The following FOXP1 variants were observed in gnomAD, a reference collection of about 807,000 sequenced individuals.
FOXP1 encodes the protein forkhead box P1.
FOXP1 carries 15 observed loss-of-function variants against 98.2 expected under a neutral mutation model. That is an observed-to-expected ratio of 0.15 (90% confidence interval 0.10 to 0.24). FOXP1 has a LOEUF of 0.24. Ranked by LOEUF, FOXP1 falls within the 10% of genes least tolerant of loss-of-function variation. The probability of loss-of-function intolerance (pLI) is 1.00; values close to 1 mark genes in which losing one functional copy is unlikely to be tolerated. For synonymous variants in FOXP1, 371 were observed against 314.5 expected (o/e 1.18, Z -1.90); for missense variants, 633 against 848.5 (o/e 0.75, Z 3.15).
intron 2 of FOXP1, among the ~76,000 whole-genome samples, chr3:71,561,079 CAG>C (rs2046495663): frequency 6.6e-6 from 1 of 152,084 alleles, no homozygotes; most frequent in Non-Finnish European, 1.5e-5. Context: ...TCTTCTGAGA[CAG>C]AGTGTCACTC....
intron 5 of FOXP1, among the ~76,000 whole-genome samples, chr3:71,261,504 C>T (rs1394973337): frequency 6.6e-6 from 1 of 151,928 alleles, no homozygotes; most frequent in African/African-American, 2.4e-5. Context: ...TAGAAATCTA[C>T]ATTTGCTAAG....
intron 3 of FOXP1, among the ~76,000 whole-genome samples, chr3:71,414,220 T>C (rs1027671771): frequency 6.6e-6 from 1 of 152,212 alleles, no homozygotes; most frequent in East Asian, 1.9e-4. Flanking sequence ...CTGCGGAACG[T>C]GATGGGGATT....
chr3:71,425,626 G>A lies in FOXP1; in HGVS notation c.-167-66382C>T, dbSNP rs75843678. On this transcript the variant is annotated intron_variant, in intron 3 of 20. Transcript: ENST00000649528. ...GTATCTGCTGAATGAAAAAAACAAG[G>A]AGAAGCTTTGAACTCATGCCCTTAC... Among the ~76,000 whole-genome samples the A allele has an allele frequency of 2.8e-3, 423 of 152,080 alleles. 2 individuals carry two copies. Among genetic ancestry groups the A allele is most frequent in the African/African-American group, 9.8e-3 (408 of 41,476 alleles).
chr3:71,002,469 A>G (rs1178287028), intron 12 of FOXP1, among the ~76,000 whole-genome samples: 3 of 152,234 alleles, frequency 2.0e-5, no homozygotes, highest in Non-Finnish European at 4.4e-5. Flanking sequence ...AACAAACAAT[A>G]GAAGACCACA....
intron 7 of FOXP1, among the ~76,000 whole-genome samples, chr3:71,064,344 G>GA (rs1414952411): frequency 6.6e-6 from 1 of 152,160 alleles, no homozygotes. Context: ...CACACGCTCT[G>GA]AAAGTGACAG....
At chr3:71,513,387 T>C (rs1376367410) in intron 2 of FOXP1, among the ~76,000 whole-genome samples, 1 of 152,080 alleles carries the variant, frequency 6.6e-6, no homozygotes, top group Non-Finnish European at 1.5e-5. Context: ...CATTAGGAAA[T>C]CCCATAGAGT....
chr3:71,530,315 T>G (rs2043734883), intron 2 of FOXP1, among the ~76,000 whole-genome samples: 1 of 152,132 alleles, frequency 6.6e-6, no homozygotes, highest in Non-Finnish European at 1.5e-5. Context: ...CTCAGCCCTC[T>G]TTTGCTCTCA....
In FOXP1 at chr3:71,443,140, C is replaced by T. The variant is rs548440674; in HGVS notation, c.-168+50286G>A. Among the ~76,000 whole-genome samples the T allele has an allele frequency of 1.3e-3, 196 of 152,280 alleles. 1 individual carries two copies. Among genetic ancestry groups the T allele is most frequent in the African/African-American group, 4.6e-3 (190 of 41,562 alleles). ...AACTCCTGACCTCAGGTGATCCACC[C>T]GCCTCGGCCTCCCAAAGTGCTGGAA... On this transcript the variant is annotated intron_variant, in intron 3 of 20. Coordinates refer to ENST00000649528, the MANE Select transcript of FOXP1 (RefSeq NM_001349338.3).
intron 5 of FOXP1, among the ~76,000 whole-genome samples, chr3:71,290,670 T>TA (rs1339819303): frequency 2.0e-5 from 3 of 152,188 alleles, no homozygotes; most frequent in Non-Finnish European, 4.4e-5. Context: ...CTGGCCCTGT[T>TA]ACACTGTTAT....
Position 71,424,902 on chromosome 3 carries a change from G to GT in FOXP1, c.-167-65659dup, listed in dbSNP as rs143217768. Among the ~76,000 whole-genome samples the GT allele has an allele frequency of 9.2e-3, 1,401 of 152,310 alleles. 29 individuals carry two copies. The highest frequency in any genetic ancestry group is 0.033 in the African/African-American group (1,353 of 41,562). On this transcript the variant is annotated intron_variant, in intron 3 of 20. Transcript: ENST00000649528. ...GGTGGGAGGAAGTCACAAGCCAACTGTAAGAGGTAAGGAGTGATCAAGAAC... is the reference window on the plus strand; with the variant it reads ...GGTGGGAGGAAGTCACAAGCCAACTGTTAAGAGGTAAGGAGTGATCAAGAAC...
intron 3 of FOXP1, among the ~76,000 whole-genome samples, chr3:71,363,566 G>T (rs1221207946): frequency 6.6e-6 from 1 of 152,140 alleles, no homozygotes; most frequent in African/African-American, 2.4e-5. Flanking sequence ...AAACCAGCAC[G>T]ACTGTCTTTA....
intron 3 of FOXP1, among the ~76,000 whole-genome samples, chr3:71,481,015 T>C (rs1478589560): frequency 1.3e-5 from 2 of 152,182 alleles, no homozygotes; most frequent in Non-Finnish European, 2.9e-5. Context: ...AGAATGTCTG[T>C]CTTTGAATGT....
At chr3:71,484,998 T>C (rs1212963225) in intron 3 of FOXP1, among the ~76,000 whole-genome samples, 1 of 152,220 alleles carries the variant, frequency 6.6e-6, no homozygotes, top group East Asian at 1.9e-4. Context: ...TATAAGTTAC[T>C]TGGGGACTGC....
chr3:71,556,374 G>A (rs1304838044), intron 2 of FOXP1, among the ~76,000 whole-genome samples: 4 of 151,984 alleles, frequency 2.6e-5, no homozygotes, highest in South Asian at 2.1e-4. Context: ...TCAGGAGATC[G>A]AGACCATCCT....
intron 7 of FOXP1, among the ~76,000 whole-genome samples, chr3:71,095,801 A>G (rs2056399505): frequency 6.6e-6 from 1 of 152,226 alleles, no homozygotes; most frequent in Admixed American, 6.5e-5. Context: ...AGCTAGGAAT[A>G]TTGTAAAAAT....
At chr3:71,409,792 T>C (rs561699396) in intron 3 of FOXP1, among the ~76,000 whole-genome samples, 1 of 152,286 alleles carries the variant, frequency 6.6e-6, no homozygotes, top group Non-Finnish European at 1.5e-5. Context: ...GGCAGGCGAA[T>C]CACTTGAGCC....
At chr3:71,055,229 G>A (rs2107164795) in intron 7 of FOXP1, among the ~76,000 whole-genome samples, 1 of 152,278 alleles carries the variant, frequency 6.6e-6, no homozygotes, top group East Asian at 1.9e-4. Context: ...ACTAAAAATG[G>A]TTCCTGAAGG....
chr3:71,582,600 C>A, intron 1 of FOXP1: 1 of 985,464 alleles, frequency 1.0e-6, no homozygotes, highest in Non-Finnish European at 1.2e-6. Flanking sequence ...CCCCGTCCCC[C>A]AAGCTTCAGA....
At chr3:71,050,388 A>G (rs1158075565) in intron 9 of FOXP1, among the ~76,000 whole-genome samples, 1 of 152,196 alleles carries the variant, frequency 6.6e-6, no homozygotes, top group Non-Finnish European at 1.5e-5. Flanking sequence ...GAAAGGAAAA[A>G]CGCAATCCCT....
Sources: allele counts gnomAD v4.1 joint callset (sites outside exome capture counted in the v4.1 genomes callset), GRCh38; gene constraint gnomAD v4.1.1; transcripts MANE v1.5; gene names NCBI Gene and HGNC (gene_info 2026-07-23, HGNC 2026-07-21).